The following ATG14 variants were observed in gnomAD, a reference collection of about 807,000 sequenced individuals.
ATG14 encodes the protein autophagy related 14, also known as beclin 1-associated autophagy-related key regulator.
Under a neutral mutation model 60.4 loss-of-function variants are expected in ATG14, and 35 were observed. The observed-to-expected ratio is 0.58, with a 90% CI of 0.44 to 0.77. The LOEUF is 0.77. Ranked by LOEUF, ATG14 falls within the 30% of genes least tolerant of loss-of-function variation. ATG14 has a pLI of 0.00. For synonymous variants in ATG14, 234 were observed against 228.8 expected, an observed-to-expected ratio of 1.02 and a Z score of -0.21; for missense variants, 647 against 626.3, an observed-to-expected ratio of 1.03 and a Z score of -0.35.
At chr14:55,371,199 T>G (rs558030585) in intron 9 of ATG14, among the ~76,000 whole-genome samples, 1 of 152,260 alleles carries the variant, frequency 6.6e-6, no homozygotes, top group Middle Eastern at 3.4e-3. Context: ...TCGAAATAAA[T>G]AGCAGGCAGA....
At chr14:55,399,048 C>T (rs1594783754) in intron 1 of ATG14, among the ~76,000 whole-genome samples, 1 of 152,134 alleles carries the variant, frequency 6.6e-6, no homozygotes, top group Admixed American at 6.5e-5. Context: ...TAAAAATATT[C>T]TGGACAAAGA....
chr14:55,380,452 C>T (rs572446865), intron 7 of ATG14, 121 bp downstream of exon 7: 14 of 656,878 alleles, frequency 2.1e-5, no homozygotes, highest in African/African-American at 5.5e-5. Flanking sequence ...TATTTCAATC[C>T]GACCTTCTCT....
Position 55,382,206 on chromosome 14 carries a change from A to C in ATG14, c.648-15T>G. ...CTGCGGGGTCTCTACAAGTAGGAAGACACACACGGATTTTCAAGAGAGAGG... is the reference window on the plus strand; with the variant it reads ...CTGCGGGGTCTCTACAAGTAGGAAGCCACACACGGATTTTCAAGAGAGAGG... On this transcript the variant is annotated splice_polypyrimidine_tract_variant and intron_variant, in intron 5 of 9. Transcript: ENST00000247178. The C allele has an allele frequency of 6.2e-7, 1 of 1,612,118 alleles. No individual in the cohort carries two copies. The highest frequency in any genetic ancestry group is 8.5e-7 in the Non-Finnish European group (1 of 1,178,150).
chr14:55,372,325 CCT>C (rs1163661761), intron 9 of ATG14, among the ~76,000 whole-genome samples: 1 of 152,094 alleles, frequency 6.6e-6, no homozygotes, highest in Non-Finnish European at 1.5e-5. Flanking sequence ...TGGAGAGCTG[CCT>C]CTCTCCTCCT....
intron 3 of ATG14, among the ~76,000 whole-genome samples, chr14:55,393,111 G>A (rs571282388): frequency 1.3e-5 from 2 of 152,290 alleles, no homozygotes; most frequent in South Asian, 2.1e-4. Flanking sequence ...ACTGGGCGCG[G>A]TGGCTCACGC....
intron 3 of ATG14, among the ~76,000 whole-genome samples, chr14:55,392,090 T>C (rs956947252): frequency 5.9e-5 from 9 of 152,140 alleles, no homozygotes; most frequent in Non-Finnish European, 1.0e-4. Flanking sequence ...AATGAATCTG[T>C]CCCACCTCAG....
At chr14:55,372,289 C>T (rs935230047) in intron 9 of ATG14, among the ~76,000 whole-genome samples, 1 of 141,168 alleles carries the variant, frequency 7.1e-6, no homozygotes, top group African/African-American at 2.5e-5. Context: ...CATATCACCA[C>T]CACTTTCCCA....
At chr14:55,396,728 C>A (rs777448388) in intron 2 of ATG14, among the ~76,000 whole-genome samples, 1 of 152,160 alleles carries the variant, frequency 6.6e-6, no homozygotes, top group African/African-American at 2.4e-5. Context: ...AGATGCAAAC[C>A]TCTAGGGTGC....
chr14:55,389,044 G>C (rs896943157), intron 4 of ATG14, among the ~76,000 whole-genome samples: 2 of 152,138 alleles, frequency 1.3e-5, no homozygotes, highest in African/African-American at 4.8e-5. Flanking sequence ...TCTCTCTCTA[G>C]ATTTTAAAAG....
At chr14:55,373,046 TC>T (rs1440780826) in intron 9 of ATG14, among the ~76,000 whole-genome samples, 1 of 152,030 alleles carries the variant, frequency 6.6e-6, no homozygotes, top group Non-Finnish European at 1.5e-5. Context: ...CCAGTGCCTC[TC>T]CCACTTCTAG....
At position 55,376,496 on chromosome 14, in the gene ATG14, A is replaced by G. The variant is rs546483743; in HGVS notation, c.1172+1323T>C. Among the ~76,000 whole-genome samples the G allele has an allele frequency of 6.0e-4, 91 of 152,342 alleles. 1 individual carries two copies. The highest frequency in any genetic ancestry group is 2.3e-3 in the Admixed American group (35 of 15,306). On this transcript the variant is annotated intron_variant, in intron 9 of 9. Coordinates refer to ENST00000247178, the MANE Select transcript of ATG14 (RefSeq NM_014924.5). Reference sequence around the variant, plus strand: ...GGCACAACATTGTAAGTATATGTGCAGTTTCCTGGCGAGTTCACAGCTTTT... The same window carrying G: ...GGCACAACATTGTAAGTATATGTGCGGTTTCCTGGCGAGTTCACAGCTTTT...
intron 1 of ATG14, among the ~76,000 whole-genome samples, chr14:55,407,197 T>G (rs1885504951): frequency 1.3e-5 from 2 of 152,142 alleles, no homozygotes. Flanking sequence ...GGTGTGATCT[T>G]GGCTCACTGC....
Position 55,367,848 on chromosome 14 carries a change from G to A in ATG14, c.*1771C>T, listed in dbSNP as rs1371087858. 1 of 151,994 alleles carries A rather than the reference G, an allele frequency of 6.6e-6. No homozygotes were observed. The highest frequency in any genetic ancestry group is 1.5e-5 in the Non-Finnish European group (1 of 67,998). The allele number at this position is 151,994 out of a possible 1,614,324, so 9.4% of individuals were successfully genotyped here. Reference sequence around the variant, plus strand: ...TGACTACCGGATAGAAATAAACTCCGTTCTGCAACTCTACCCAAAACTATA... The same window carrying A: ...TGACTACCGGATAGAAATAAACTCCATTCTGCAACTCTACCCAAAACTATA... On this transcript the variant is annotated 3_prime_UTR_variant, in exon 10 of 10. Transcript: ENST00000247178.
At position 55,377,850 on chromosome 14, in the gene ATG14, G is replaced by C. The variant is rs201940341; in HGVS notation, c.1141C>G (p.Leu381Val). Reference protein sequence around the residue: ...PLHTLRNLMYLVSPSSEHLGR... With the variant: ...PLHTLRNLMYVVSPSSEHLGR... ...AGGTGTTCAGAGCTTGGACTGACCA[G>C]GTACATTAGATTCCTGAGGGTATGC... The change falls in exon 9 of 10, where the codon CTG becomes GTG. Residue 381 changes from leucine to valine, a missense_variant. By Grantham distance (32) the Leu-to-Val change is conservative. Transcript: ENST00000247178. The C allele has an allele frequency of 3.1e-6, 5 of 1,601,226 alleles. No individual in the cohort carries two copies. Among genetic ancestry groups the C allele is most frequent in the Non-Finnish European group, 4.3e-6 (5 of 1,176,370 alleles).
intron 9 of ATG14, among the ~76,000 whole-genome samples, chr14:55,371,797 C>G (rs1594775257): frequency 6.6e-6 from 1 of 151,400 alleles, no homozygotes; most frequent in South Asian, 2.1e-4. Flanking sequence ...GAGCGAGACT[C>G]TGTCTCAAAA....
At chr14:55,372,219 G>T (rs1418775524) in intron 9 of ATG14, among the ~76,000 whole-genome samples, 2 of 152,046 alleles carry the variant, frequency 1.3e-5, no homozygotes, top group African/African-American at 4.8e-5. Flanking sequence ...AGGGCTACCT[G>T]TTATCATTAA....
chr14:55,396,570 T>A (rs1216072039), intron 2 of ATG14, among the ~76,000 whole-genome samples: 5 of 152,192 alleles, frequency 3.3e-5, no homozygotes, highest in Non-Finnish European at 5.9e-5. Flanking sequence ...TTAACTGTTT[T>A]CATCGGGGGT....
intron 3 of ATG14, among the ~76,000 whole-genome samples, chr14:55,394,729 C>G (rs372461758): frequency 6.6e-6 from 1 of 152,108 alleles, no homozygotes; most frequent in Non-Finnish European, 1.5e-5. Flanking sequence ...AAAAACAACA[C>G]GGGAACAGAA....
intron 1 of ATG14, among the ~76,000 whole-genome samples, chr14:55,399,842 A>T (rs1393619723): frequency 1.3e-5 from 2 of 152,230 alleles, no homozygotes; most frequent in African/African-American, 4.8e-5. Flanking sequence ...CTTTGCTCTA[A>T]AACAAATTGG....
Sources: allele counts gnomAD v4.1 joint callset (sites outside exome capture counted in the v4.1 genomes callset), GRCh38; gene constraint gnomAD v4.1.1; transcripts MANE v1.5; gene names NCBI Gene and HGNC (gene_info 2026-07-23, HGNC 2026-07-21).